OFD1: variants seen among roughly 807,000 people sequenced by gnomAD.
The protein encoded by OFD1 is centriole and centriolar satellite protein OFD1.
In OFD1, 12 loss-of-function variants were observed where a neutral mutation model predicts 81.4. The observed-to-expected ratio is 0.15, with a 90% CI of 0.09 to 0.24. OFD1 has a LOEUF of 0.24. OFD1 is among the 10% of genes least tolerant of loss of function. The pLI is 1.00. For synonymous variants in OFD1, 256 were observed against 263.7 expected (o/e 0.97, Z 0.28); for missense variants, 685 against 733.9 (o/e 0.93, Z 0.77).
rs1254615288 is a variant in OFD1 at position 13,746,854 on chromosome X, C to T, written c.729C>T (p.Thr243=). 5 of 1,206,327 alleles carry T rather than the reference C, an allele frequency of 4.1e-6. No individual in the cohort carries two copies. Among genetic ancestry groups the T allele is most frequent in the Non-Finnish European group, 5.6e-6 (5 of 891,085 alleles). The change falls in exon 8 of 23, where the codon ACC becomes ACT. Residue 243 remains threonine, a synonymous_variant. Coordinates refer to ENST00000340096, the MANE Select transcript of OFD1 (RefSeq NM_003611.3). The part of the protein sequence containing the change: ...EAKKKYEKEL[T]MFQNDFEKAC... ...AAAAAAAGTATGAAAAGGAGTTAACCATGTTCCAGAATGATTTTGAAAAAG... is the reference window on the plus strand; with the variant it reads ...AAAAAAAGTATGAAAAGGAGTTAACTATGTTCCAGAATGATTTTGAAAAAG...
the OFD1 span, among the ~76,000 whole-genome samples, chrX:13,726,719 G>T: frequency 5.4e-5 from 6 of 111,536 alleles, no homozygotes; most frequent in Non-Finnish European, 7.5e-5. Context: ...AATAACCAGC[G>T]AACATCATAA....
At chrX:13,723,714 T>G in the OFD1 span, among the ~76,000 whole-genome samples, 1 of 110,500 alleles carries the variant, frequency 9.0e-6, no homozygotes, top group African/African-American at 3.3e-5. Flanking sequence ...ACACAGAATT[T>G]GGGAATAGAT....
intron 6 of OFD1, among the ~76,000 whole-genome samples, chrX:13,745,739 CAT>C (rs1337258270): frequency 1.8e-5 from 2 of 111,990 alleles, no homozygotes; most frequent in African/African-American, 6.5e-5. Flanking sequence ...GATTCTGATC[CAT>C]AGTTGGTTTG....
At chrX:13,758,200 C>T in intron 14 of OFD1, 137 bp from the exon 15 acceptor site, 1 of 462,057 alleles carries the variant, frequency 2.2e-6, no homozygotes, top group Admixed American at 3.9e-5. Context: ...TAATAGGGAC[C>T]CTGTTGTTTA....
Position 13,753,392 on chromosome X carries a change from C to T in OFD1, c.1080C>T (p.Asp360=), listed in dbSNP as rs200732814. The change falls in exon 11 of 23, where the codon GAC becomes GAT. Residue 360 remains aspartate (D), a synonymous_variant. Coordinates refer to ENST00000340096, the MANE Select transcript of OFD1 (RefSeq NM_003611.3). ...LLKYQLELKD[D]YIIRTNRLIE... ...GGTATCAACTTGAACTGAAGGATGACTACATCATTAGAACTAATCGACTGA... is the reference window on the plus strand; with the variant it reads ...GGTATCAACTTGAACTGAAGGATGATTACATCATTAGAACTAATCGACTGA... 3.3e-6 allele frequency: 4 copies of T among 1,206,149 alleles called. No individual in the cohort carries two copies. In the East Asian group the frequency reaches 1.2e-4, roughly 36 times the overall value.
intron 5 of OFD1, chrX:13,739,966 T>TG: frequency 5.6e-6 from 5 of 892,429 alleles, no homozygotes; most frequent in Non-Finnish European, 7.0e-6. Context: ...CCTTTTGTGT[T>TG]GGTACACCCT....
At chrX:13,719,752 G>A in the OFD1 span, 2 of 540,444 alleles carry the variant, frequency 3.7e-6, no homozygotes, top group Non-Finnish European at 2.9e-6. Context: ...CAGTCTGTGG[G>A]CTCCTGAGCA....
At chrX:13,771,227 A>G (rs1327147493), downstream of OFD1, 1 of 111,871 alleles carries the variant, frequency 8.9e-6, no homozygotes, top group Non-Finnish European at 1.9e-5. Flanking sequence ...AGAATTAGAA[A>G]AGTAAAATTA....
the OFD1 span, among the ~76,000 whole-genome samples, chrX:13,723,122 A>G: frequency 9.3e-6 from 1 of 107,697 alleles, no homozygotes; most frequent in Admixed American, 9.9e-5. Context: ...AAATGTGGCT[A>G]GTGAGAATGT....
At chrX:13,749,565 G>A in intron 9 of OFD1, 32 bp downstream of exon 9, 1 of 841,755 alleles carries the variant, frequency 1.2e-6, no homozygotes, top group Non-Finnish European at 1.8e-6. Context: ...TGGATATTCA[G>A]AATGATGAGA....
In OFD1 at chrX:13,756,466, C is replaced by T. The variant is rs925685339; in HGVS notation, c.1222-112C>T. ...TTATTGTAGAGAATCAGACTTCTGT[C>T]TAGTGACCTTAATTAAATTGTGACA... On this transcript the variant is annotated intron_variant, in intron 12 of 22. Transcript: ENST00000340096. 69 of 542,785 alleles carry T rather than the reference C, an allele frequency of 1.3e-4. 2 individuals are homozygous for T. Among genetic ancestry groups the T allele is most frequent in the Non-Finnish European group, 1.9e-4 (63 of 326,442 alleles). The allele number at this position is 542,785 out of a possible 1,213,427, so 44.7% of individuals were successfully genotyped here.
Position 13,760,409 on chromosome X carries a change from G to A in OFD1, c.1949G>A (p.Arg650Lys). ...GCCGAACGCTTGGAAAAGGCTTTCA[G>A]AAGTTACCATCGGAGAGTCATTAAA... ...QEAERLEKAF[R>K]SYHRRVIKNS... Residue 650 changes from arginine to lysine, a missense_variant, in exon 16 of 23, where the codon AGA becomes AAA. Physicochemically the swap from Arg to Lys is conservative, Grantham distance 26. Around this residue, in one of 3 missense-constraint regions of OFD1, gnomAD observed 12 missense variants for 32.4 expected, o/e 0.37. Coordinates refer to ENST00000340096, the MANE Select transcript of OFD1 (RefSeq NM_003611.3). 8.3e-7 allele frequency: 1 copy of A among 1,205,787 alleles called. No homozygotes were observed. Among genetic ancestry groups the A allele is most frequent in the Non-Finnish European group, 1.1e-6 (1 of 892,309 alleles).
chrX:13,752,545 A>T (rs754718365), intron 10 of OFD1, among the ~76,000 whole-genome samples: 1 of 112,628 alleles, frequency 8.9e-6, no homozygotes, highest in South Asian at 3.6e-4. Flanking sequence ...TTTTGAAATG[A>T]TGTATTTTAC....
chrX:13,760,693 A>G lies in OFD1; in HGVS notation c.2233A>G (p.Ser745Gly). ...SSTPLPKAKRSLESEMYLEGL... is the reference protein window; with the variant it reads ...SSTPLPKAKRGLESEMYLEGL... ...CACACCCCTTCCAAAAGCAAAAAGA[A>G]GCCTCGAAAGTGAAATGTATCTGGA... The change falls in exon 16 of 23, where the codon AGC (serine) becomes GGC (glycine). Residue 745 changes from serine to glycine, a missense_variant. Physicochemically the swap from Ser to Gly is moderately conservative, Grantham distance 56. This residue lies in a region of OFD1 where 259 missense variants were observed against 254.4 expected (regional missense o/e 1.02). Coordinates refer to ENST00000340096, the MANE Select transcript of OFD1 (RefSeq NM_003611.3). 8.3e-7 allele frequency: 1 copy of G among 1,211,395 alleles called. No homozygotes were observed. The highest frequency in any genetic ancestry group is 1.1e-6 in the Non-Finnish European group (1 of 895,404).
chrX:13,750,337 A>G (rs765647091), intron 9 of OFD1, among the ~76,000 whole-genome samples: 2 of 111,888 alleles, frequency 1.8e-5, no homozygotes, highest in South Asian at 7.6e-4. Context: ...CCTTCTCAGC[A>G]TATAAACTAA....
At chrX:13,763,236 GTAAAA>G (rs1471670980) in intron 18 of OFD1, among the ~76,000 whole-genome samples, 48 of 112,671 alleles carry the variant, frequency 4.3e-4, no homozygotes, top group African/African-American at 1.5e-3. Context: ...CTTTGTAAGT[GTAAAA>G]TAAGCATGTA....
At chrX:13,751,535 A>G (rs751261656) in intron 10 of OFD1, among the ~76,000 whole-genome samples, 167 bp downstream of exon 10, 1 of 111,266 alleles carries the variant, frequency 9.0e-6, no homozygotes, top group Admixed American at 9.5e-5. Context: ...GAGTTAGGAT[A>G]GTTTTTAAAA....
At position 13,749,407 on chromosome X, in the gene OFD1, A is replaced by T. The variant is rs1207936467; in HGVS notation, c.829-20A>T. On this transcript the variant is annotated intron_variant, in intron 8 of 22. Coordinates refer to ENST00000340096, the MANE Select transcript of OFD1 (RefSeq NM_003611.3). The stretch of plus-strand genomic sequence containing the variant: ...GCTTTCATTAGCTTGCTTGCTAAAA[A>T]TTAATGCTTTTCTATACAGATTGAA... The T allele has an allele frequency of 9.8e-7, 1 of 1,018,000 alleles. No homozygotes were observed. Among genetic ancestry groups the T allele is most frequent in the Non-Finnish European group, 1.4e-6 (1 of 719,383 alleles). 83.9% of individuals were successfully genotyped at this position (1,018,000 alleles called of 1,213,427 possible). A position where few individuals can be genotyped will look rare whatever the true frequency, so the allele number is the denominator to read the frequency against.
intron 5 of OFD1, among the ~76,000 whole-genome samples, chrX:13,742,348 A>G (rs2047137669): frequency 8.9e-6 from 1 of 111,976 alleles, no homozygotes; most frequent in Non-Finnish European, 1.9e-5. Flanking sequence ...ACTCAAAATG[A>G]ACCATAGACC....
Sources: gnomAD v4.1 joint callset for allele counts (sites outside exome capture counted in the v4.1 genomes callset) on GRCh38, gnomAD v4.1.1 for gene constraint, gnomAD v4.1.1 regional missense constraint, MANE v1.5 for transcripts, NCBI Gene and HGNC (gene_info 2026-07-23, HGNC 2026-07-21) for gene names.